Variants in ZW10 observed in about 807,000 individuals in gnomAD.
ZW10 encodes zw10 kinetochore protein, also known as centromere/kinetochore protein zw10 homolog.
Under a neutral mutation model 87.8 loss-of-function variants are expected in ZW10, and 53 were observed. The observed-to-expected ratio is 0.60, with a 90% CI of 0.48 to 0.76. The LOEUF (loss-of-function observed/expected upper bound fraction) is 0.76, where lower values mean the gene tolerates loss of function less well. ZW10 is among the 30% of genes least tolerant of loss of function. The pLI, the probability that ZW10 is intolerant of heterozygous loss-of-function variation, is 0.00. For synonymous variants in ZW10, 312 were observed against 329.2 expected (o/e 0.95, Z 0.57); for missense variants, 837 against 923.0 (o/e 0.91, Z 1.21).
At position 113,738,293 on chromosome 11, in the gene ZW10, A is replaced by C; in HGVS notation, c.1855T>G (p.Tyr619Asp). ...CGGACTGCTTTACTTGCTGCAGAAT[A>C]ATTCTCTTCATCGTCCATATTTGAA... ...NFSNMDDEEN[Y>D]SAASKAVRQV... Residue 619 changes from tyrosine to aspartate, a missense_variant, in exon 13 of 16, where the codon TAT becomes GAT. Transcript: ENST00000200135. The C allele has an allele frequency of 6.2e-7, 1 of 1,612,912 alleles. No individual in the cohort carries two copies. The highest frequency in any genetic ancestry group is 8.5e-7 in the Non-Finnish European group (1 of 1,179,500).
rs1565282271 is a variant in ZW10 at position 113,747,557 on chromosome 11, T to C, written c.1246A>G (p.Thr416Ala). 3 of 1,613,254 alleles carry C rather than the reference T, an allele frequency of 1.9e-6. No individual in the cohort carries two copies. The highest frequency in any genetic ancestry group is 2.5e-6 in the Non-Finnish European group (3 of 1,179,444). Reference protein sequence around the residue: ...DVIVAARNLMTSEIHNTVKII... With the variant: ...DVIVAARNLMASEIHNTVKII... The stretch of plus-strand genomic sequence containing the variant: ...TTCACAGTGTTATGAATTTCTGAGG[T>C]CATTAGATTTCTGGCTGCCACAATC... Residue 416 changes from threonine to alanine, a missense_variant, in exon 9 of 16, where the codon ACC becomes GCC. Coordinates refer to ENST00000200135, the MANE Select transcript of ZW10 (RefSeq NM_004724.4).
chr11:113,760,173 G>T (rs1223086457), intron 5 of ZW10, 36 bp downstream of exon 5: 1 of 1,601,714 alleles, frequency 6.2e-7, no homozygotes, highest in East Asian at 2.2e-5. Context: ...GGTTCAGGCA[G>T]ATGAAGCAAA....
Position 113,768,966 on chromosome 11 carries a change from C to A in ZW10, c.107G>T (p.Gly36Val), listed in dbSNP as rs1359108789. The A allele has an allele frequency of 5.6e-6, 9 of 1,613,638 alleles. No homozygotes were observed. Among genetic ancestry groups the A allele is most frequent in the Non-Finnish European group, 7.6e-6 (9 of 1,179,740 alleles). ...RLTRRVEEIK[G>V]EVCNMISKKY... Reference sequence around the variant, plus strand: ...CTTGCTAATCATATTGCACACCTCACCCTAAAATATAAAACAGAATTATAT... The same window carrying A: ...CTTGCTAATCATATTGCACACCTCAACCTAAAATATAAAACAGAATTATAT... Residue 36 changes from glycine to valine, a missense_variant and splice_region_variant, in exon 2 of 16, where the codon GGT (glycine) becomes GTT (valine). Gly to Val is a moderately radical substitution (Grantham distance 109). Coordinates refer to ENST00000200135, the MANE Select transcript of ZW10 (RefSeq NM_004724.4).
At chr11:113,739,535 C>T (rs1953591718) in intron 11 of ZW10, among the ~76,000 whole-genome samples, 153 bp from the exon 12 acceptor site, 1 of 152,208 alleles carries the variant, frequency 6.6e-6, no homozygotes, top group South Asian at 2.1e-4. Context: ...TCATCACTCC[C>T]ACTCCCAGAG....
Position 113,758,720 on chromosome 11 carries a change from A to T in ZW10, c.581-14T>A. 6.2e-7 allele frequency: 1 copy of T among 1,613,566 alleles called. No individual in the cohort carries two copies. Among genetic ancestry groups the T allele is most frequent in the Non-Finnish European group, 8.5e-7 (1 of 1,179,686 alleles). ...AACTGCTGGTATCTAAGAAAAAGGAAGAAAAATATCAGCTGTCTCACCAAT... is the reference window on the plus strand; with the variant it reads ...AACTGCTGGTATCTAAGAAAAAGGATGAAAAATATCAGCTGTCTCACCAAT... On this transcript the variant is annotated splice_polypyrimidine_tract_variant and intron_variant, in intron 5 of 15. Coordinates refer to ENST00000200135, the MANE Select transcript of ZW10 (RefSeq NM_004724.4).
intron 10 of ZW10, among the ~76,000 whole-genome samples, chr11:113,743,354 A>G (rs945758507): frequency 6.6e-6 from 1 of 152,228 alleles, no homozygotes; most frequent in African/African-American, 2.4e-5. Context: ...AATAGAAGAT[A>G]TAACTATTAC....
At chr11:113,740,694 C>T (rs758527178) in intron 11 of ZW10, among the ~76,000 whole-genome samples, 1 of 152,220 alleles carries the variant, frequency 6.6e-6, no homozygotes, top group Non-Finnish European at 1.5e-5. Flanking sequence ...AAAATGTGGT[C>T]CCATGACAGG....
intron 2 of ZW10, among the ~76,000 whole-genome samples, chr11:113,768,408 C>T (rs979368350): frequency 1.3e-5 from 2 of 152,164 alleles, no homozygotes; most frequent in African/African-American, 4.8e-5. Flanking sequence ...TACAGAGAGC[C>T]AATTACTGTC....
chr11:113,737,734 G>T (rs1953569895), intron 13 of ZW10, 31 bp from the exon 14 acceptor site: 3 of 1,563,312 alleles, frequency 1.9e-6, no homozygotes, highest in African/African-American at 1.4e-5. Context: ...TTACGTGGAA[G>T]AAAGATTACT....
intron 14 of ZW10, 104 bp downstream of exon 14, chr11:113,737,468 G>T: frequency 3.5e-6 from 4 of 1,143,606 alleles, no homozygotes; most frequent in South Asian, 2.5e-5. Context: ...GCATGAGTTA[G>T]ACATGAAACA....
At chr11:113,735,901 A>G (rs7102791) in intron 15 of ZW10, among the ~76,000 whole-genome samples, 26,423 of 152,126 alleles carry the variant, frequency 0.17, 2,388 homozygotes, top group African/African-American at 0.19. Context: ...TCAATCAAAC[A>G]GTAGTCTGAT....
intron 7 of ZW10, among the ~76,000 whole-genome samples, chr11:113,756,928 A>T (rs1028269116): frequency 2.0e-5 from 3 of 152,226 alleles, no homozygotes; most frequent in African/African-American, 7.2e-5. Flanking sequence ...TCAAAACTAT[A>T]GAAAAGTCCT....
intron 1 of ZW10, among the ~76,000 whole-genome samples, chr11:113,770,147 G>A (rs1013969002): frequency 4.3e-5 from 6 of 140,488 alleles, no homozygotes; most frequent in Non-Finnish European, 6.0e-5. Flanking sequence ...GGAATGCGGT[G>A]GTGGAATCTT....
chr11:113,760,072 C>T, intron 5 of ZW10, 137 bp downstream of exon 5: 1 of 1,081,922 alleles, frequency 9.2e-7, no homozygotes, highest in East Asian at 2.6e-5. Context: ...AAGCATCTTG[C>T]TAACATGAGT....
chr11:113,739,855 T>C (rs1401568485), intron 11 of ZW10, among the ~76,000 whole-genome samples: 1 of 152,218 alleles, frequency 6.6e-6, no homozygotes, highest in Non-Finnish European at 1.5e-5. Context: ...CACAGATGTT[T>C]AGACTTTACC....
At chr11:113,773,186 C>T (rs1453083450) in intron 1 of ZW10, among the ~76,000 whole-genome samples, 4 of 151,994 alleles carry the variant, frequency 2.6e-5, no homozygotes, top group Non-Finnish European at 5.9e-5. Flanking sequence ...CGCTCCCTAG[C>T]TTCCTCGGAG....
At chr11:113,748,861 G>A (rs1008218290) in intron 7 of ZW10, among the ~76,000 whole-genome samples, 3 of 152,148 alleles carry the variant, frequency 2.0e-5, no homozygotes, top group Non-Finnish European at 4.4e-5. Context: ...TTATAAAACA[G>A]AATACTTCAA....
chr11:113,763,578 A>G (rs1407168623), intron 2 of ZW10, among the ~76,000 whole-genome samples: 1 of 152,146 alleles, frequency 6.6e-6, no homozygotes. Context: ...GTGAGATGGT[A>G]TCTCATTGTG....
intron 1 of ZW10, among the ~76,000 whole-genome samples, chr11:113,769,209 C>T (rs1953938286): frequency 6.6e-6 from 1 of 151,446 alleles, no homozygotes; most frequent in Non-Finnish European, 1.5e-5. Flanking sequence ...ACTATGTACT[C>T]CAAGAGTATA....
Sources: allele counts gnomAD v4.1 joint callset (sites outside exome capture counted in the v4.1 genomes callset), GRCh38; gene constraint gnomAD v4.1.1; transcripts MANE v1.5; gene names NCBI Gene and HGNC (gene_info 2026-07-23, HGNC 2026-07-21).